ANO3: variants seen among roughly 807,000 people sequenced by gnomAD.
ANO3 encodes anoctamin 3.
ANO3 carries 99 observed loss-of-function variants against 144.8 expected under a neutral mutation model. The observed-to-expected ratio is 0.68, with a 90% CI of 0.58 to 0.81. ANO3 has a LOEUF of 0.81. ANO3 is among the 30% of genes least tolerant of loss of function. The probability of loss-of-function intolerance (pLI) is 0.00; values close to 1 mark genes in which losing one functional copy is unlikely to be tolerated. For synonymous variants in ANO3, 414 were observed against 392.6 expected (o/e 1.05, Z -0.64); for missense variants, 905 against 1,202.2 (o/e 0.75, Z 3.66).
intron 4 of ANO3, among the ~76,000 whole-genome samples, chr11:26,487,190 G>A (rs927651769): frequency 6.6e-6 from 1 of 152,210 alleles, no homozygotes; most frequent in African/African-American, 2.4e-5. Flanking sequence ...GGACCCAAGG[G>A]GAGGTAATTG....
intron 14 of ANO3, among the ~76,000 whole-genome samples, chr11:26,583,987 C>A (rs1565122847): frequency 6.6e-6 from 1 of 152,204 alleles, no homozygotes; most frequent in African/African-American, 2.4e-5. Flanking sequence ...GAACTGACCC[C>A]TTTCCCTGAC....
chr11:26,293,530 C>CATATATATATAT lies in ANO3; in HGVS notation c.155-16113_155-16112insATATATATATAT, dbSNP rs375743472. 3.2e-4 allele frequency among the ~76,000 whole-genome samples: 20 copies of CATATATATATAT among 62,428 alleles called. 4 individuals are homozygous for CATATATATATAT. Among genetic ancestry groups the CATATATATATAT allele is most frequent in the East Asian group, 1.2e-3 (3 of 2,420 alleles). 41.0% of individuals were successfully genotyped at this position (62,428 alleles called of 152,430 possible). On this transcript the variant is annotated intron_variant, in intron 1 of 27. Transcript: ENST00000672621. ...CAGTCTAGAGTGGGTCTATAAATTCCATGTATATATATATATATATATATA... is the reference window on the plus strand; with the variant it reads ...CAGTCTAGAGTGGGTCTATAAATTCCATATATATATATATGTATATATATATATATATATATA...
At chr11:26,281,418 C>T (rs76253168) in intron 1 of ANO3, among the ~76,000 whole-genome samples, 4,583 of 152,128 alleles carry the variant, frequency 0.03, 221 homozygotes, top group African/African-American at 0.11. Flanking sequence ...ATGAGATAGG[C>T]CTAGAGGGAC....
At chr11:26,246,624 C>G (rs530991686) in intron 1 of ANO3, among the ~76,000 whole-genome samples, 2 of 149,448 alleles carry the variant, frequency 1.3e-5, no homozygotes, top group South Asian at 4.2e-4. Context: ...TATGTTGTTA[C>G]TATATTATAA....
At chr11:26,290,278 G>A (rs1420695247) in intron 1 of ANO3, among the ~76,000 whole-genome samples, 10 of 151,854 alleles carry the variant, frequency 6.6e-5, no homozygotes, top group Admixed American at 1.3e-4. Flanking sequence ...ATTTTTTATC[G>A]CATCTATTTG....
At chr11:26,553,115 C>T (rs926369633) in intron 12 of ANO3, 134 bp from the exon 13 acceptor site, 3 of 658,046 alleles carry the variant, frequency 4.6e-6, no homozygotes, top group Middle Eastern at 4.1e-4. Context: ...CACCACTCCC[C>T]ACTATTCCCA....
intron 4 of ANO3, among the ~76,000 whole-genome samples, chr11:26,505,229 G>GA (rs1007629728): frequency 6.6e-5 from 10 of 150,534 alleles, no homozygotes; most frequent in African/African-American, 9.8e-5. Flanking sequence ...AAAAGAGCTA[G>GA]AAAAAAAAAG....
At chr11:26,619,096 G>A (rs551886276) in intron 17 of ANO3, among the ~76,000 whole-genome samples, 27 of 152,154 alleles carry the variant, frequency 1.8e-4, no homozygotes, top group African/African-American at 6.0e-4. Flanking sequence ...CCTCATTTTT[G>A]TATGTCCAAA....
intron 1 of ANO3, among the ~76,000 whole-genome samples, chr11:26,373,627 C>T (rs1856323836): frequency 6.6e-6 from 1 of 152,158 alleles, no homozygotes; most frequent in African/African-American, 2.4e-5. Flanking sequence ...ATACTTCTTA[C>T]TTTTGTGATC....
chr11:26,581,688 CAAAAAAAAAAAA>C (rs10612768), intron 14 of ANO3, among the ~76,000 whole-genome samples: 5 of 84,730 alleles, frequency 5.9e-5, no homozygotes, highest in East Asian at 3.2e-4. Context: ...GACTCTGTCT[CAAAAAAAAAAAA>C]AAAAAAAAAA....
chr11:26,336,804 T>C (rs1855206088), intron 1 of ANO3, among the ~76,000 whole-genome samples: 1 of 152,220 alleles, frequency 6.6e-6, no homozygotes, highest in Non-Finnish European at 1.5e-5. Flanking sequence ...GTGCTAACTC[T>C]TCCTGGTATT....
chr11:26,554,648 C>A (rs375977573), intron 13 of ANO3, among the ~76,000 whole-genome samples: 1 of 152,202 alleles, frequency 6.6e-6, no homozygotes, highest in African/African-American at 2.4e-5. Context: ...GTGTACGCTA[C>A]CCAAGTCACT....
chr11:26,503,922 C>G (rs551827727), intron 4 of ANO3, among the ~76,000 whole-genome samples: 1 of 152,078 alleles, frequency 6.6e-6, no homozygotes, highest in East Asian at 1.9e-4. Context: ...TTCCACAAAC[C>G]AGTCTCTTGA....
intron 1 of ANO3, among the ~76,000 whole-genome samples, chr11:26,350,272 T>TACA (rs1244694651): frequency 6.6e-6 from 1 of 151,894 alleles, no homozygotes; most frequent in Non-Finnish European, 1.5e-5. Flanking sequence ...TCAGCACGAG[T>TACA]AGTGTGGTGG....
intron 23 of ANO3, 141 bp from the exon 24 acceptor site, chr11:26,647,568 T>C (rs894674192): frequency 1.5e-6 from 1 of 660,170 alleles, no homozygotes; most frequent in Admixed American, 3.0e-5. Flanking sequence ...ATGTCTGTAT[T>C]GAGATAGTAT....
chr11:26,614,327 G>C (rs1005505007), intron 17 of ANO3, among the ~76,000 whole-genome samples: 2 of 152,208 alleles, frequency 1.3e-5, no homozygotes, highest in Non-Finnish European at 2.9e-5. Flanking sequence ...TTATTGGAAG[G>C]TTGTGACAAA....
At chr11:26,514,405 G>A (rs575329821) in intron 5 of ANO3, among the ~76,000 whole-genome samples, 1 of 152,206 alleles carries the variant, frequency 6.6e-6, no homozygotes, top group East Asian at 1.9e-4. Context: ...GGCACTTTAT[G>A]AGGTGACCAA....
intron 1 of ANO3, among the ~76,000 whole-genome samples, chr11:26,417,063 A>G (rs1281235500): frequency 6.6e-6 from 1 of 152,130 alleles, no homozygotes; most frequent in African/African-American, 2.4e-5. Flanking sequence ...TTAACATACT[A>G]TTGGATTCAT....
chr11:26,647,590 A>C, intron 23 of ANO3, 119 bp from the exon 24 acceptor site: 1 of 853,126 alleles, frequency 1.2e-6, no homozygotes, highest in Middle Eastern at 2.8e-4. Flanking sequence ...ATAAGAAAGC[A>C]CATAGTGGAC....
Sources: gnomAD v4.1 joint callset for allele counts (sites outside exome capture counted in the v4.1 genomes callset) on GRCh38, gnomAD v4.1.1 for gene constraint, MANE v1.5 for transcripts, NCBI Gene and HGNC (gene_info 2026-07-23, HGNC 2026-07-21) for gene names.